ADAMTS14: variants seen among roughly 807,000 people sequenced by gnomAD.
ADAMTS14 encodes A disintegrin and metalloproteinase with thrombospondin motifs 14.
Under a neutral mutation model 128.6 loss-of-function variants are expected in ADAMTS14, and 100 were observed. The observed-to-expected ratio is 0.78, with a 90% CI of 0.66 to 0.92. The LOEUF (loss-of-function observed/expected upper bound fraction) is 0.92, where lower values mean the gene tolerates loss of function less well. Ranked by LOEUF, ADAMTS14 falls within the 40% of genes least tolerant of loss-of-function variation. The pLI is 0.00. For missense variants in ADAMTS14, 1,562 were observed against 1,658.6 expected, an observed-to-expected ratio of 0.94 and a Z score of 1.01; for synonymous variants, 665 against 653.8, an observed-to-expected ratio of 1.02 and a Z score of -0.26.
chr10:70,736,181 A>G (rs1431399137), intron 9 of ADAMTS14, among the ~76,000 whole-genome samples: 1 of 152,192 alleles, frequency 6.6e-6, no homozygotes, highest in Non-Finnish European at 1.5e-5. Context: ...GCTTCTCTGG[A>G]CAATCTGAAA....
intron 4 of ADAMTS14, 59 bp downstream of exon 4, chr10:70,708,837 C>T (rs1840751140): frequency 7.9e-7 from 1 of 1,262,416 alleles, no homozygotes; most frequent in Non-Finnish European, 1.1e-6. Context: ...CCCCACCCCA[C>T]CCCACTGGGC....
intron 2 of ADAMTS14, among the ~76,000 whole-genome samples, chr10:70,697,926 C>T (rs988386566): frequency 1.3e-5 from 2 of 152,214 alleles, no homozygotes; most frequent in Non-Finnish European, 2.9e-5. Flanking sequence ...TCCACCCTCA[C>T]CATCATTCAG....
chr10:70,711,846 G>A (rs1370733408), intron 4 of ADAMTS14, among the ~76,000 whole-genome samples: 1 of 152,162 alleles, frequency 6.6e-6, no homozygotes, highest in African/African-American at 2.4e-5. Context: ...GCAGGAGAGA[G>A]CAGCAGAGTT....
At chr10:70,709,262 G>A (rs925984482) in intron 4 of ADAMTS14, among the ~76,000 whole-genome samples, 3 of 152,150 alleles carry the variant, frequency 2.0e-5, no homozygotes, top group African/African-American at 7.2e-5. Flanking sequence ...CGTTGGCCCT[G>A]GGTGTGCACA....
At chr10:70,680,466 G>A (rs1201915727) in intron 2 of ADAMTS14, among the ~76,000 whole-genome samples, 2 of 152,192 alleles carry the variant, frequency 1.3e-5, no homozygotes, top group East Asian at 3.8e-4. Context: ...GCCTATGGAA[G>A]GGCCCCACGA....
Position 70,745,183 on chromosome 10 carries a change from C to A in ADAMTS14, c.2183-43C>A, listed in dbSNP as rs762213386. ...GGGGGACGCTGGGCAGTGGGACCAC[C>A]AGCTTAGGATGCTCACGACTTCTGG... On this transcript the variant is annotated intron_variant, in intron 14 of 21. Coordinates refer to ENST00000373207, the MANE Select transcript of ADAMTS14 (RefSeq NM_080722.4). 2.9e-5 allele frequency: 46 copies of A among 1,586,438 alleles called. No individual in the cohort carries two copies. In the South Asian group the frequency reaches 5.2e-4, roughly 18 times the overall value.
intron 4 of ADAMTS14, among the ~76,000 whole-genome samples, 176 bp from the exon 5 acceptor site, chr10:70,729,118 G>C (rs1471286548): frequency 6.8e-6 from 1 of 148,120 alleles, no homozygotes; most frequent in Non-Finnish European, 1.5e-5. Context: ...GTGTGTCCTC[G>C]GGCAGGTCAT....
chr10:70,686,810 C>A, intron 2 of ADAMTS14, among the ~76,000 whole-genome samples: 1 of 73,250 alleles, frequency 1.4e-5, no homozygotes, highest in Admixed American at 1.3e-4. Flanking sequence ...GCACACCTCC[C>A]AGACGGGGTG....
Position 70,745,240 on chromosome 10 carries a change from G to T in ADAMTS14, c.2197G>T (p.Val733Leu), listed in dbSNP as rs777437877. ...ASKQAGALKLVQIPAGARHIQ... is the reference protein window; with the variant it reads ...ASKQAGALKLLQIPAGARHIQ... ...GTGTGTGGCAGGAGCTCTCAAGCTG[G>T]TGCAGATCCCAGCAGGTGCCAGGCA... The change falls in exon 15 of 22, where the codon GTG becomes TTG. Residue 733 changes from valine to leucine, a missense_variant. Physicochemically the swap from Val to Leu is conservative, Grantham distance 32. Coordinates refer to ENST00000373207, the MANE Select transcript of ADAMTS14 (RefSeq NM_080722.4). 6 of 1,612,186 alleles carry T rather than the reference G, an allele frequency of 3.7e-6. No individual in the cohort carries two copies. Among genetic ancestry groups the T allele is most frequent in the Non-Finnish European group, 5.1e-6 (6 of 1,179,908 alleles).
intron 4 of ADAMTS14, among the ~76,000 whole-genome samples, chr10:70,729,024 T>C (rs989247962): frequency 7.9e-5 from 12 of 152,182 alleles, no homozygotes; most frequent in African/African-American, 2.9e-4. Context: ...GACCAGGCCC[T>C]CTACAATGTG....
rs759519213 is a variant in ADAMTS14 at position 70,741,136 on chromosome 10, G to T, written c.1898G>T (p.Ser633Ile). Residue 633 changes from serine to isoleucine, a missense_variant, in exon 12 of 22, where the codon AGC becomes ATC. Ser to Ile is a moderately radical substitution (Grantham distance 142). Transcript: ENST00000373207. ...TATGTGCACCAGAATGCCAAGCACA[G>T]CTGGGTGCCCTACGAGCCTGACGAT... ...SYYVHQNAKH[S>I]WVPYEPDDDA... 3.1e-6 allele frequency: 5 copies of T among 1,613,488 alleles called. No individual in the cohort carries two copies.
chr10:70,727,229 A>T (rs1443852904), intron 4 of ADAMTS14, among the ~76,000 whole-genome samples: 1 of 152,352 alleles, frequency 6.6e-6, no homozygotes, highest in East Asian at 1.9e-4. Flanking sequence ...CTGGCCCAGA[A>T]GGGGTATGCC....
intron 2 of ADAMTS14, among the ~76,000 whole-genome samples, chr10:70,695,260 A>G (rs57687223): frequency 0.26 from 40,018 of 152,100 alleles, 6,159 homozygotes; most frequent in South Asian, 0.38. Flanking sequence ...CAAGTCCCTT[A>G]TCAGGAGAGG....
At position 70,743,558 on chromosome 10, in the gene ADAMTS14, G is replaced by T; in HGVS notation, c.1935G>T (p.Lys645Asn). ...TCCCTCTCCCTACAGACGCCCAGAA[G>T]TGTGAGCTGATCTGCCAGTCGGCGG... is the stretch of plus-strand genomic sequence containing the variant. ...VPYEPDDDAQKCELICQSADT... is the reference protein window; with the variant it reads ...VPYEPDDDAQNCELICQSADT... The change falls in exon 13 of 22, where the codon AAG (lysine) becomes AAT (asparagine). Residue 645 changes from lysine to asparagine, a missense_variant. By Grantham distance (94) the Lys-to-Asn change is moderately conservative. Coordinates refer to ENST00000373207, the MANE Select transcript of ADAMTS14 (RefSeq NM_080722.4). 6.2e-7 allele frequency: 1 copy of T among 1,612,396 alleles called. No individual in the cohort carries two copies. The highest frequency in any genetic ancestry group is 8.5e-7 in the Non-Finnish European group (1 of 1,179,586).
intron 18 of ADAMTS14, 117 bp from the exon 19 acceptor site, chr10:70,753,683 T>C: frequency 1.7e-6 from 2 of 1,146,140 alleles, no homozygotes; most frequent in Non-Finnish European, 2.4e-6. Context: ...GCCTCAAACA[T>C]TCTGAAACCC....
In ADAMTS14 at chr10:70,749,965, C is replaced by T. The variant is rs142852360; in HGVS notation, c.2407C>T (p.Pro803Ser). The T allele has an allele frequency of 4.0e-5, 64 of 1,613,916 alleles. No homozygotes were observed. Among genetic ancestry groups the T allele is most frequent in the Admixed American group, 3.3e-5 (2 of 59,984 alleles). Residue 803 changes from proline (P) to serine (S), a missense_variant, in exon 16 of 22, where the codon CCT (proline) becomes TCT (serine). By Grantham distance (74) the Pro-to-Ser change is moderately conservative. Coordinates refer to ENST00000373207, the MANE Select transcript of ADAMTS14 (RefSeq NM_080722.4). ...KESLKTSGPL[P>S]EAIAILALPP... ...AAGCCTCAAGACCAGCGGGCCCCTG[C>T]CTGAAGCCATTGCCATCCTGGTGAG...
At chr10:70,704,623 C>T (rs1175276596) in intron 3 of ADAMTS14, among the ~76,000 whole-genome samples, 2 of 144,002 alleles carry the variant, frequency 1.4e-5, no homozygotes, top group Non-Finnish European at 3.0e-5. Flanking sequence ...CCCACGATCA[C>T]ACATAGACAC....
chr10:70,694,384 C>A (rs1401888810), intron 2 of ADAMTS14, among the ~76,000 whole-genome samples: 2 of 152,188 alleles, frequency 1.3e-5, no homozygotes, highest in Non-Finnish European at 2.9e-5. Context: ...AATTCACATA[C>A]CACGCAATTC....
At chr10:70,732,770 A>T (rs1213591216) in intron 7 of ADAMTS14, among the ~76,000 whole-genome samples, 1 of 152,182 alleles carries the variant, frequency 6.6e-6, no homozygotes, top group Non-Finnish European at 1.5e-5. Flanking sequence ...GCCCACCCTG[A>T]TACTCAGCAC....
Sources: gnomAD v4.1 joint callset for allele counts (sites outside exome capture counted in the v4.1 genomes callset) on GRCh38, gnomAD v4.1.1 for gene constraint, MANE v1.5 for transcripts, NCBI Gene and HGNC (gene_info 2026-07-23, HGNC 2026-07-21) for gene names.